Variants in COL4A3 observed in about 807,000 individuals in gnomAD.
COL4A3 encodes collagen alpha-3(IV) chain.
Under a neutral mutation model 217.4 loss-of-function variants are expected in COL4A3, and 135 were observed. That is an observed-to-expected ratio of 0.62 (90% CI 0.54 to 0.72). The LOEUF is 0.72. COL4A3 is among the 30% of genes least tolerant of loss of function. The probability of loss-of-function intolerance (pLI) is 0.00; values close to 1 mark genes in which losing one functional copy is unlikely to be tolerated. For missense variants in COL4A3, 1,868 were observed against 2,119.9 expected, an observed-to-expected ratio of 0.88 and a Z score of 2.33; for synonymous variants, 690 against 736.3, an observed-to-expected ratio of 0.94 and a Z score of 1.02.
intron 1 of COL4A3, among the ~76,000 whole-genome samples, chr2:227,223,751 A>G (rs936664420): frequency 1.4e-4 from 16 of 117,308 alleles, no homozygotes; most frequent in African/African-American, 4.1e-4. Flanking sequence ...TAAATAAACA[A>G]ATAAATAAGC....
intron 43 of COL4A3, among the ~76,000 whole-genome samples, chr2:227,302,677 C>CAA (rs56065709): frequency 0.017 from 1,354 of 79,854 alleles, 215 homozygotes; most frequent in African/African-American, 0.074. Context: ...ACTCTTTCTC[C>CAA]AAAAAAAAAA....
chr2:227,285,748 A>C (rs548401251), intron 34 of COL4A3, among the ~76,000 whole-genome samples: 2 of 152,376 alleles, frequency 1.3e-5, no homozygotes, highest in South Asian at 4.1e-4. Flanking sequence ...AGAAGGACAC[A>C]TGATATGGGG....
chr2:227,248,746 G>T (rs1014892987), intron 9 of COL4A3, among the ~76,000 whole-genome samples: 1 of 152,120 alleles, frequency 6.6e-6, no homozygotes, highest in Non-Finnish European at 1.5e-5. Context: ...ATGCAAAGAT[G>T]ATTTGAGTAT....
Position 227,191,565 on chromosome 2 carries a change from A to G in COL4A3, c.87+26752A>G. On this transcript the variant is annotated intron_variant, in intron 1 of 51. Transcript: ENST00000396578. This position sits in a 1 kb window ranked among gnomAD's most constrained non-coding sequence, Gnocchi z 6.8. ...TCAAAGAACCTGCCAAGGGGCTGCA[A>G]TGGGAGATTACAGTGACTCAGCAAA... Among the ~76,000 whole-genome samples the G allele has an allele frequency of 6.6e-6, 1 of 152,152 alleles. No homozygotes were observed. Among genetic ancestry groups the G allele is most frequent in the South Asian group, 2.1e-4 (1 of 4,826 alleles).
chr2:227,297,630 G>T (rs747151069), intron 41 of COL4A3, 44 bp from the exon 42 acceptor site: 1 of 1,563,934 alleles, frequency 6.4e-7, no homozygotes. Flanking sequence ...TCTAACCCAA[G>T]CATATGGGCA....
At chr2:227,285,537 G>T (rs1193073263) in intron 34 of COL4A3, among the ~76,000 whole-genome samples, 1 of 151,870 alleles carries the variant, frequency 6.6e-6, no homozygotes, top group Admixed American at 6.6e-5. Context: ...AAAAATACTG[G>T]CACCAATCTC....
intron 1 of COL4A3, among the ~76,000 whole-genome samples, chr2:227,220,244 G>T (rs1244794379): frequency 7.1e-6 from 1 of 141,696 alleles, no homozygotes; most frequent in Non-Finnish European, 1.5e-5. Context: ...GTGCAGTGGT[G>T]CAATCTCAGC....
Position 227,250,901 on chromosome 2 carries a change from G to T in COL4A3, c.547-239G>T, listed in dbSNP as rs183010836. 3.3e-4 allele frequency among the ~76,000 whole-genome samples: 50 copies of T among 152,262 alleles called. No individual in the cohort carries two copies. The highest frequency in any genetic ancestry group is 1.2e-3 in the African/African-American group (48 of 41,544). ...AAAGAGAAAAGCAAAATTTTGAAACGTCTGAAGTAAAGCAACTACTTTGGT... is the reference window on the plus strand; with the variant it reads ...AAAGAGAAAAGCAAAATTTTGAAACTTCTGAAGTAAAGCAACTACTTTGGT... On this transcript the variant is annotated intron_variant, in intron 9 of 51. Transcript: ENST00000396578. This position sits in a 1 kb window ranked among gnomAD's most constrained non-coding sequence, Gnocchi z 4.1.
chr2:227,262,481 A>G (rs2070647722), intron 20 of COL4A3, among the ~76,000 whole-genome samples: 1 of 152,158 alleles, frequency 6.6e-6, no homozygotes, highest in Non-Finnish European at 1.5e-5. Flanking sequence ...TTTGGGTAGT[A>G]TGGTCATTTT....
intron 1 of COL4A3, chr2:227,221,279 T>G (rs1165766732): frequency 6.6e-6 from 1 of 152,288 alleles, no homozygotes; most frequent in African/African-American, 2.4e-5. Context: ...TCTTTCCATC[T>G]TTGTCCCTAG....
intron 1 of COL4A3, among the ~76,000 whole-genome samples, chr2:227,220,504 T>C (rs953394345): frequency 2.0e-5 from 3 of 149,402 alleles, no homozygotes; most frequent in Non-Finnish European, 3.0e-5. Flanking sequence ...CTTGCTCCAC[T>C]GCACAGGCTG....
At chr2:227,192,464 C>T (rs999461213) in intron 1 of COL4A3, among the ~76,000 whole-genome samples, 17 of 32,678 alleles carry the variant, frequency 5.2e-4, no homozygotes, top group African/African-American at 1.1e-3. Context: ...ACCCTCTTTT[C>T]ATCTCAGCTA....
intron 50 of COL4A3, among the ~76,000 whole-genome samples, chr2:227,310,447 G>A (rs1291580281): frequency 6.6e-6 from 1 of 152,170 alleles, no homozygotes; most frequent in Non-Finnish European, 1.5e-5. Flanking sequence ...CTCCTGAGTA[G>A]CTTGGACTAC....
At chr2:227,241,919 G>A (rs2069046022) in intron 3 of COL4A3, among the ~76,000 whole-genome samples, 1 of 152,150 alleles carries the variant, frequency 6.6e-6, no homozygotes, top group Non-Finnish European at 1.5e-5. Context: ...CAGAGCACTT[G>A]AGTAATTTTT....
intron 1 of COL4A3, among the ~76,000 whole-genome samples, chr2:227,165,892 G>C (rs2065249556): frequency 6.6e-6 from 1 of 152,036 alleles, no homozygotes; most frequent in South Asian, 2.1e-4. Context: ...CCATTTCCTT[G>C]TCTTCCAAGA....
chr2:227,187,415 A>G (rs1419058413), intron 1 of COL4A3, among the ~76,000 whole-genome samples: 2 of 152,210 alleles, frequency 1.3e-5, no homozygotes, highest in African/African-American at 4.8e-5. Context: ...GGGGAGAAGT[A>G]CAGCAGCAGG....
intron 37 of COL4A3, 142 bp from the exon 38 acceptor site, chr2:227,293,049 C>G: frequency 3.7e-6 from 4 of 1,079,676 alleles, no homozygotes; most frequent in Non-Finnish European, 5.4e-6. Context: ...TTATTCCCAG[C>G]ACCTATCACA....
intron 17 of COL4A3, among the ~76,000 whole-genome samples, chr2:227,256,994 A>T (rs1435581042): frequency 6.6e-6 from 1 of 152,238 alleles, no homozygotes; most frequent in Non-Finnish European, 1.5e-5. Context: ...TACTGTACTG[A>T]ATAATGTAGG....
chr2:227,209,013 G>T (rs189699641), intron 1 of COL4A3, among the ~76,000 whole-genome samples: 1 of 152,132 alleles, frequency 6.6e-6, no homozygotes, highest in Non-Finnish European at 1.5e-5. Flanking sequence ...AATTCCCAAG[G>T]GAAAGCAGAA....
Sources: gnomAD v4.1 joint callset for allele counts (sites outside exome capture counted in the v4.1 genomes callset) on GRCh38, gnomAD v4.1.1 for gene constraint, Gnocchi (gnomAD v3.1) non-coding constraint, MANE v1.5 for transcripts, NCBI Gene and HGNC (gene_info 2026-07-23, HGNC 2026-07-21) for gene names.